Variants in IL7 observed in about 807,000 individuals in gnomAD.
IL7 encodes the protein interleukin 7.
A neutral mutation model predicts 21.6 loss-of-function variants in IL7; 3 were observed. The ratio of observed to expected loss-of-function variants is 0.14; its 90% CI spans 0.06 to 0.36. The LOEUF is 0.36. Among genes scored for constraint, IL7 ranks in the 10% least tolerant of loss-of-function variants. The pLI is 1.00. For synonymous variants in IL7, 62 were observed against 68.1 expected (o/e 0.91, Z 0.44); for missense variants, 175 against 200.2 (o/e 0.87, Z 0.76).
At chr8:78,758,369 T>C (rs1812425472) in intron 2 of IL7, among the ~76,000 whole-genome samples, 1 of 152,138 alleles carries the variant, frequency 6.6e-6, no homozygotes. Flanking sequence ...TATTTATCTT[T>C]ACAGTTTGGT....
chr8:78,782,320 A>G lies in IL7; in HGVS notation c.147+15752T>C, dbSNP rs188549418. On this transcript the variant is annotated intron_variant, in intron 2 of 5. Coordinates refer to ENST00000263851, the MANE Select transcript of IL7 (RefSeq NM_000880.4). ...GCTTTTGAGTTGTCAGTGTTTTTTC[A>G]TTGACTGTTTCTCATCTTGCTGAGG... 9.2e-5 allele frequency among the ~76,000 whole-genome samples: 14 copies of G among 152,064 alleles called. No homozygotes were observed. The East Asian group carries it at 2.7e-3, about 29-fold the overall frequency.
At chr8:78,721,036 A>G (rs557957743) in exon 5 of IL7, 3 of 152,074 alleles carry the variant, frequency 2.0e-5, no homozygotes, top group East Asian at 3.9e-4. Context: ...AAAACGCTTT[A>G]TGTGCTCTTT....
chr8:78,742,463 A>G (rs1188143183), intron 2 of IL7, among the ~76,000 whole-genome samples: 2 of 152,170 alleles, frequency 1.3e-5, no homozygotes, highest in African/African-American at 4.8e-5. Context: ...GAACTGCAGT[A>G]TTTTCTAGTA....
chr8:78,693,180 C>A (rs983825499), intron 3 of IL7, among the ~76,000 whole-genome samples: 1 of 151,972 alleles, frequency 6.6e-6, no homozygotes. Context: ...TGAATAGTGC[C>A]GCAATAAACA....
rs1050216864 is a variant in IL7, at chr8:78,733,208, T to C, written c.*505A>G. On this transcript the variant is annotated 3_prime_UTR_variant, in exon 6 of 6. Coordinates refer to ENST00000263851, the MANE Select transcript of IL7 (RefSeq NM_000880.4). ...TTACTTAAGGTTTATGACTCTCTTA[T>C]TCTCACCGGCATTATCCATATATCA... is the stretch of plus-strand genomic sequence containing the variant. 1.3e-5 allele frequency: 2 copies of C among 152,292 alleles called. No individual in the cohort carries two copies. Among genetic ancestry groups the C allele is most frequent in the African/African-American group, 2.4e-5 (1 of 41,418 alleles). The allele number at this position is 152,292 out of a possible 1,614,324, so 9.4% of individuals were successfully genotyped here. A position where few individuals can be genotyped will look rare whatever the true frequency, so the allele number is the denominator to read the frequency against.
chr8:78,804,854 T>C (rs937251975), intron 1 of IL7, 59 bp downstream of exon 1: 2 of 1,607,224 alleles, frequency 1.2e-6, no homozygotes, highest in Non-Finnish European at 1.7e-6. Flanking sequence ...CCAGCGCGTC[T>C]GGGATTGCCC....
chr8:78,797,551 T>C (rs905296532), intron 2 of IL7, among the ~76,000 whole-genome samples: 3 of 151,958 alleles, frequency 2.0e-5, no homozygotes, highest in Admixed American at 2.0e-4. Context: ...GGCTCTAAGG[T>C]ATAAAATCTA....
At chr8:78,786,041 GAGA>G (rs1813498906) in intron 2 of IL7, among the ~76,000 whole-genome samples, 1 of 152,168 alleles carries the variant, frequency 6.6e-6, no homozygotes, top group Non-Finnish European at 1.5e-5. Context: ...ACAAAAAAAT[GAGA>G]AGAAGGTATA....
In IL7 at chr8:78,736,530, TA is replaced by T; in HGVS notation, c.361-4del. On this transcript the variant is annotated splice_polypyrimidine_tract_variant and splice_region_variant and intron_variant, in intron 4 of 5. Coordinates refer to ENST00000263851, the MANE Select transcript of IL7 (RefSeq NM_000880.4). ...GCAGCTGGTTTTCTTCCTTTAACCT[TA>T]AAAACAAAGTCACATTTATAATATT... is the stretch of plus-strand genomic sequence containing the variant. 6.3e-7 allele frequency: 1 copy of T among 1,586,076 alleles called. No individual in the cohort carries two copies. Among genetic ancestry groups the T allele is most frequent in the Non-Finnish European group, 8.6e-7 (1 of 1,158,536 alleles).
chr8:78,759,216 C>CAT (rs752848774), intron 2 of IL7, among the ~76,000 whole-genome samples: 3 of 131,938 alleles, frequency 2.3e-5, no homozygotes, highest in African/African-American at 8.2e-5. Context: ...CTGCTGGGTT[C>CAT]TTTTTTTTTT....
At chr8:78,793,053 T>C (rs1297964203) in intron 2 of IL7, among the ~76,000 whole-genome samples, 1 of 152,004 alleles carries the variant, frequency 6.6e-6, no homozygotes, top group Non-Finnish European at 1.5e-5. Context: ...TGAAGAGAAA[T>C]GAAATACTAA....
chr8:78,679,428 A>G (rs1809691055), intron 4 of IL7: 1 of 152,194 alleles, frequency 6.6e-6, no homozygotes, highest in South Asian at 2.1e-4. Context: ...ATTACTTATA[A>G]TTTAATGCTA....
At chr8:78,743,596 T>A (rs903562553) in intron 2 of IL7, among the ~76,000 whole-genome samples, 1 of 152,136 alleles carries the variant, frequency 6.6e-6, no homozygotes, top group Non-Finnish European at 1.5e-5. Context: ...TACGAAATTC[T>A]TGTAGTGTGT....
intron 3 of IL7, among the ~76,000 whole-genome samples, chr8:78,692,289 G>C (rs930441706): frequency 1.3e-5 from 2 of 152,074 alleles, no homozygotes; most frequent in Non-Finnish European, 2.9e-5. Context: ...AGTACATGTG[G>C]TATTCACATG....
At chr8:78,696,958 G>A (rs1233731255) in intron 3 of IL7, among the ~76,000 whole-genome samples, 3 of 152,032 alleles carry the variant, frequency 2.0e-5, no homozygotes, top group Non-Finnish European at 2.9e-5. Context: ...AGTTTTTTCC[G>A]TTAGACCTTT....
rs185383561 is a variant in IL7, at chr8:78,690,387, C to T, written n.215-4440G>A. Among the ~76,000 whole-genome samples, 1,520 of 152,120 alleles carry T rather than the reference C, an allele frequency of 1.0e-2. 29 individuals carry two copies. The highest frequency in any genetic ancestry group is 0.012 in the Non-Finnish European group (786 of 67,968). ...CATCCTGGCTAACACGGTGAAACCC[C>T]GTCTCTAATAAAAATACAAAAAATT... On this transcript the variant is annotated intron_variant and non_coding_transcript_variant, in intron 3 of 4. Coordinates refer to the IL7 transcript ENST00000523959.
intron 2 of IL7, among the ~76,000 whole-genome samples, chr8:78,767,895 A>G (rs537918774): frequency 5.3e-5 from 8 of 152,168 alleles, no homozygotes; most frequent in Admixed American, 2.0e-4. Context: ...AGCATTTGGT[A>G]TATCTCCTAA....
chr8:78,804,841 C>T (rs1461584202), intron 1 of IL7, 72 bp downstream of exon 1: 2 of 1,577,438 alleles, frequency 1.3e-6, no homozygotes, highest in Non-Finnish European at 1.7e-6. Context: ...GGAGCAGGGG[C>T]CCCCAGCGCG....
chr8:78,786,340 G>T (rs1355221527), intron 2 of IL7, among the ~76,000 whole-genome samples: 1 of 152,044 alleles, frequency 6.6e-6, no homozygotes, highest in Non-Finnish European at 1.5e-5. Context: ...ATATAGAACA[G>T]GTACAGTAAA....
Sources: allele counts gnomAD v4.1 joint callset (sites outside exome capture counted in the v4.1 genomes callset), GRCh38; gene constraint gnomAD v4.1.1; transcripts MANE v1.5; gene names NCBI Gene and HGNC (gene_info 2026-07-23, HGNC 2026-07-21).